Variants in ADAMTS9 observed in about 807,000 individuals in gnomAD.
ADAMTS9 encodes ADAM metallopeptidase with thrombospondin type 1 motif 9, also known as A disintegrin and metalloproteinase with thrombospondin motifs 9.
Under a neutral mutation model 257.1 loss-of-function variants are expected in ADAMTS9, and 107 were observed. The ratio of observed to expected loss-of-function variants is 0.42; its 90% CI spans 0.36 to 0.49. The LOEUF is 0.49. ADAMTS9 is among the 20% of genes least tolerant of loss of function. ADAMTS9 has a pLI of 0.03. For synonymous variants in ADAMTS9, 982 were observed against 880.9 expected (o/e 1.11, Z -2.03); for missense variants, 2,353 against 2,469.1 (o/e 0.95, Z 1.00).
chr3:64,672,558 C>T (rs1701519375), intron 3 of ADAMTS9, among the ~76,000 whole-genome samples: 1 of 152,124 alleles, frequency 6.6e-6, no homozygotes, highest in South Asian at 2.1e-4. Context: ...TGGTGCACAC[C>T]TGTAATCTCA....
chr3:64,528,172 C>G (rs2082932729), intron 38 of ADAMTS9, among the ~76,000 whole-genome samples: 1 of 152,104 alleles, frequency 6.6e-6, no homozygotes, highest in African/African-American at 2.4e-5. Context: ...CCTCTCACAC[C>G]CAGCCAGGAC....
intron 3 of ADAMTS9, among the ~76,000 whole-genome samples, chr3:64,670,048 A>C (rs4410439): frequency 0.7 from 106,138 of 152,042 alleles, 38,076 homozygotes; most frequent in African/African-American, 0.88. Flanking sequence ...GGAGTTATAT[A>C]TTCTATCCCT....
At chr3:64,565,030 G>A (rs1050993546) in intron 29 of ADAMTS9, among the ~76,000 whole-genome samples, 2 of 152,180 alleles carry the variant, frequency 1.3e-5, no homozygotes, top group African/African-American at 2.4e-5. Context: ...AGGTCAGTGA[G>A]GGTGTGGGTG....
chr3:64,589,568 A>G (rs1405388156), intron 28 of ADAMTS9: 1 of 152,218 alleles, frequency 6.6e-6, no homozygotes, highest in East Asian at 1.9e-4. Context: ...GTAAACACAC[A>G]GCAAACGTTA....
chr3:64,552,748 A>G (rs2083285783), intron 30 of ADAMTS9, among the ~76,000 whole-genome samples: 1 of 151,998 alleles, frequency 6.6e-6, no homozygotes, highest in Non-Finnish European at 1.5e-5. Flanking sequence ...TGTAGAGATG[A>G]GTCTCACTAC....
chr3:64,660,396 A>T (rs1701193569), intron 3 of ADAMTS9, among the ~76,000 whole-genome samples: 1 of 152,230 alleles, frequency 6.6e-6, no homozygotes, highest in African/African-American at 2.4e-5. Flanking sequence ...AGTCATTATT[A>T]AAATACAGTG....
intron 32 of ADAMTS9, among the ~76,000 whole-genome samples, chr3:64,542,946 C>G (rs565695612): frequency 6.6e-6 from 1 of 152,046 alleles, no homozygotes; most frequent in African/African-American, 2.4e-5. Flanking sequence ...CACCACCAAT[C>G]CCACAGAAAT....
chr3:64,542,995 C>G (rs1210620984), intron 32 of ADAMTS9, among the ~76,000 whole-genome samples: 1 of 152,136 alleles, frequency 6.6e-6, no homozygotes, highest in East Asian at 1.9e-4. Flanking sequence ...CACCTCTATG[C>G]AAATAAACTA....
At chr3:64,559,608 CCA>C in intron 30 of ADAMTS9, among the ~76,000 whole-genome samples, 1 of 152,310 alleles carries the variant, frequency 6.6e-6, no homozygotes, top group Middle Eastern at 3.4e-3. Context: ...GTCTATTCTT[CCA>C]CAGAGTTTAA....
chr3:64,621,630 C>A (rs1345934284), intron 18 of ADAMTS9, among the ~76,000 whole-genome samples: 1 of 151,902 alleles, frequency 6.6e-6, no homozygotes, highest in African/African-American at 2.4e-5. Context: ...GGCATGGTGG[C>A]ATGCACCTGT....
chr3:64,649,600 C>G (rs777129804), intron 10 of ADAMTS9, 37 bp downstream of exon 10: 2 of 1,566,460 alleles, frequency 1.3e-6, no homozygotes, highest in South Asian at 2.4e-5. Context: ...AGTGCAGAAT[C>G]AGTAGATGAG....
chr3:64,589,167 G>A (rs546454240), intron 28 of ADAMTS9: 16 of 152,226 alleles, frequency 1.1e-4, no homozygotes, highest in African/African-American at 3.9e-4. Context: ...ATGAAAGAGA[G>A]GAATATTTTG....
Position 64,621,186 on chromosome 3 carries a change from G to T in ADAMTS9, c.2741C>A (p.Ser914Tyr). The change falls in exon 19 of 40, where the codon TCT becomes TAT. Residue 914 changes from serine (S) to tyrosine (Y), a missense_variant. Coordinates refer to ENST00000498707, the MANE Select transcript of ADAMTS9 (RefSeq NM_182920.2). The part of the protein sequence containing the change: ...CTRESDQLTV[S>Y]DQRCDRLPQP... ...GGGCAGCCGATCGCATCTTTGATCA[G>T]AAACAGTAAGCTGATCAGATTCCCT... is the stretch of plus-strand genomic sequence containing the variant. The T allele has an allele frequency of 6.2e-7, 1 of 1,613,890 alleles. No individual in the cohort carries two copies. Among genetic ancestry groups the T allele is most frequent in the Non-Finnish European group, 8.5e-7 (1 of 1,179,908 alleles).
chr3:64,609,872 A>G (rs1275505414), intron 22 of ADAMTS9, among the ~76,000 whole-genome samples: 1 of 152,178 alleles, frequency 6.6e-6, no homozygotes. Context: ...TCACAATTTC[A>G]AAACATACTA....
At chr3:64,675,120 A>G (rs780235722) in intron 3 of ADAMTS9, among the ~76,000 whole-genome samples, 17 of 152,344 alleles carry the variant, frequency 1.1e-4, no homozygotes, top group Non-Finnish European at 2.4e-4. Flanking sequence ...TAACTAGACC[A>G]GGACATAAGG....
intron 21 of ADAMTS9, 50 bp from the exon 22 acceptor site, chr3:64,613,559 TG>T (rs1247309433): frequency 6.4e-7 from 1 of 1,568,554 alleles, no homozygotes; most frequent in Admixed American, 1.8e-5. Flanking sequence ...CAATGTGTTG[TG>T]GTTTCTGGGG....
chr3:64,538,406 T>C (rs2083076303), intron 37 of ADAMTS9, among the ~76,000 whole-genome samples: 1 of 152,082 alleles, frequency 6.6e-6, no homozygotes, highest in African/African-American at 2.4e-5. Context: ...CAACTTTTAT[T>C]TATTTTTTTA....
chr3:64,612,143 T>A (rs1335028020), intron 22 of ADAMTS9, among the ~76,000 whole-genome samples: 1 of 152,144 alleles, frequency 6.6e-6, no homozygotes, highest in Non-Finnish European at 1.5e-5. Flanking sequence ...TTATGAATAT[T>A]TACGACCCTT....
chr3:64,558,179 T>C (rs757457778), intron 30 of ADAMTS9, among the ~76,000 whole-genome samples: 1 of 152,248 alleles, frequency 6.6e-6, no homozygotes, highest in Non-Finnish European at 1.5e-5. Flanking sequence ...TTAGGTGTAT[T>C]TGGCATCGGA....
Sources: allele counts gnomAD v4.1 joint callset (sites outside exome capture counted in the v4.1 genomes callset), GRCh38; gene constraint gnomAD v4.1.1; transcripts MANE v1.5; gene names NCBI Gene and HGNC (gene_info 2026-07-23, HGNC 2026-07-21).